Variants in CHRNA2 observed in about 807,000 individuals in gnomAD.
CHRNA2 encodes the protein neuronal acetylcholine receptor subunit alpha-2.
A neutral mutation model predicts 45.5 loss-of-function variants in CHRNA2; 40 were observed. The observed-to-expected ratio is 0.88, with a 90% confidence interval of 0.68 to 1.15. CHRNA2 has a LOEUF of 1.15. Ranked by LOEUF, CHRNA2 falls within the 50% of genes most tolerant of loss-of-function variation. The pLI is 0.00. For missense variants in CHRNA2, 655 were observed against 701.7 expected (o/e 0.93, Z 0.75); for synonymous variants, 301 against 296.7 (o/e 1.01, Z -0.15).
At position 27,471,287 on chromosome 8, in the gene CHRNA2, G is replaced by A. The variant is rs116683540; in HGVS notation, c.-136-93C>T. On this transcript the variant is annotated intron_variant, in intron 1 of 6. Coordinates refer to ENST00000407991, the MANE Select transcript of CHRNA2 (RefSeq NM_000742.4). The stretch of plus-strand genomic sequence containing the variant: ...TGCTCCACACAGGCATGAAATGAGA[G>A]CAAAAGGCCCTCAGCAGGCCTCTCA... The A allele has an allele frequency of 4.8e-3, 2,407 of 499,982 alleles. 49 individuals carry two copies. The highest frequency in any genetic ancestry group is 0.043 in the African/African-American group (2,211 of 51,362). 31.0% of individuals were successfully genotyped at this position (499,982 alleles called of 1,614,324 possible). A position where few individuals can be genotyped will look rare whatever the true frequency, so the allele number is the denominator to read the frequency against.
intron 1 of CHRNA2, among the ~76,000 whole-genome samples, chr8:27,474,680 G>A (rs1813006847): frequency 6.6e-6 from 1 of 152,246 alleles, no homozygotes; most frequent in Admixed American, 6.5e-5. Context: ...CAGCCCCACT[G>A]GAGCTGCTCT....
chr8:27,471,346 T>C (rs1233304134), intron 1 of CHRNA2, 152 bp from the exon 2 acceptor site: 13 of 393,154 alleles, frequency 3.3e-5, no homozygotes, highest in Admixed American at 2.6e-4. Flanking sequence ...CCCTGGCTTA[T>C]TGAGGAATCA....
rs760956524 is a variant in CHRNA2, at chr8:27,463,189, C to T, written c.1254G>A (p.Glu418=). ...VDAEEREVVV[E]EEDRWACAGH... ...CTGCACATGCCCATCTGTCCTCCTCCTCCACCACCACCTCCCTCTCCTCGG... is the reference window on the plus strand; with the variant it reads ...CTGCACATGCCCATCTGTCCTCCTCTTCCACCACCACCTCCCTCTCCTCGG... Residue 418 remains glutamate, a synonymous_variant, in exon 6 of 7, where the codon GAG becomes GAA. Transcript: ENST00000407991. This position sits in a 1 kb window ranked among gnomAD's most constrained non-coding sequence, Gnocchi z 6.1. The T allele has an allele frequency of 2.5e-6, 4 of 1,591,884 alleles. No homozygotes were observed. Among genetic ancestry groups the T allele is most frequent in the South Asian group, 1.1e-5 (1 of 88,038 alleles).
chr8:27,462,594 T>C (rs1812529820), intron 6 of CHRNA2, among the ~76,000 whole-genome samples: 1 of 152,228 alleles, frequency 6.6e-6, no homozygotes, highest in African/African-American at 2.4e-5. Flanking sequence ...AGGCTGACAC[T>C]GCAGCAGCTG....
chr8:27,476,497 A>T (rs1377368386), intron 1 of CHRNA2, among the ~76,000 whole-genome samples: 1 of 152,224 alleles, frequency 6.6e-6, no homozygotes, highest in Non-Finnish European at 1.5e-5. Flanking sequence ...ATCCGAGATT[A>T]AATCTCGTTA....
Position 27,462,911 on chromosome 8 carries a change from C to T in CHRNA2, c.1464+68G>A, listed in dbSNP as rs1479262991. On this transcript the variant is annotated intron_variant, in intron 6 of 6. Transcript: ENST00000407991. ...CTGGGCTGCCCAAGCTCACACTCTGCGGTAAGGTGGTTCCCCGCTAAGTTG... is the reference window on the plus strand; with the variant it reads ...CTGGGCTGCCCAAGCTCACACTCTGTGGTAAGGTGGTTCCCCGCTAAGTTG... 75 of 1,599,800 alleles carry T rather than the reference C, an allele frequency of 4.7e-5. 1 individual carries two copies. The highest frequency in any genetic ancestry group is 3.6e-4 in the Middle Eastern group (2 of 5,590).
At chr8:27,476,538 G>GT (rs998237418) in intron 1 of CHRNA2, among the ~76,000 whole-genome samples, 14 of 152,216 alleles carry the variant, frequency 9.2e-5, no homozygotes, top group African/African-American at 3.4e-4. Flanking sequence ...AGCAGGTGAA[G>GT]TTTTTTTCTC....
chr8:27,461,815 C>G, intron 6 of CHRNA2, 61 bp from the exon 7 acceptor site: 3 of 1,611,744 alleles, frequency 1.9e-6, no homozygotes, highest in South Asian at 2.2e-5. Flanking sequence ...GTGTTCCCCC[C>G]ATTCACAGCC....
Position 27,461,358 on chromosome 8 carries a change from C to T in CHRNA2, c.*271G>A, listed in dbSNP as rs1812478889. The stretch of plus-strand genomic sequence containing the variant: ...GCACTGCTCCTCCAGGAGAATCTTA[C>T]TCTGCCCCACTTGGTCACCACACTA... On this transcript the variant is annotated 3_prime_UTR_variant, in exon 7 of 7. Coordinates refer to ENST00000407991, the MANE Select transcript of CHRNA2 (RefSeq NM_000742.4). 2.0e-6 allele frequency: 1 copy of T among 495,446 alleles called. No individual in the cohort carries two copies. The highest frequency in any genetic ancestry group is 3.7e-6 in the Non-Finnish European group (1 of 271,474). The allele number at this position is 495,446 out of a possible 1,614,324, so 30.7% of individuals were successfully genotyped here.
intron 2 of CHRNA2, 93 bp from the exon 3 acceptor site, chr8:27,470,074 T>C (rs1812829652): frequency 1.7e-6 from 2 of 1,158,252 alleles, no homozygotes; most frequent in Non-Finnish European, 2.5e-6. Context: ...CTCAAAACAT[T>C]GTTGAAGATG....
intron 1 of CHRNA2, among the ~76,000 whole-genome samples, chr8:27,476,306 T>C (rs1270793164): frequency 6.6e-6 from 1 of 152,214 alleles, no homozygotes; most frequent in Non-Finnish European, 1.5e-5. Context: ...GGCATGACTT[T>C]ATTCATTTAG....
At chr8:27,471,453 C>G (rs541357559) in intron 1 of CHRNA2, among the ~76,000 whole-genome samples, 1 of 152,304 alleles carries the variant, frequency 6.6e-6, no homozygotes, top group East Asian at 1.9e-4. Flanking sequence ...ACTGAGGTCC[C>G]CATTGCTTTG....
At position 27,469,873 on chromosome 8, in the gene CHRNA2, C is replaced by T. The variant is rs568479156; in HGVS notation, c.182G>A (p.Arg61Gln). 2.9e-5 allele frequency: 47 copies of T among 1,614,148 alleles called. No homozygotes were observed. In the African/African-American group the frequency reaches 3.1e-4, roughly 11 times the overall value. ...GCCCCGGAAGAGGTGTTTGAAGAGC[C>T]GGTCCTCAGTCTCGGTATGCGAGCC... is the stretch of plus-strand genomic sequence containing the variant. ...QGGSHTETEDRLFKHLFRGYN... is the reference protein window; with the variant it reads ...QGGSHTETEDQLFKHLFRGYN... The change falls in exon 3 of 7, where the codon CGG (arginine) becomes CAG (glutamine). Residue 61 changes from arginine (R) to glutamine (Q), a missense_variant. Transcript: ENST00000407991.
chr8:27,478,568 T>A (rs73225400), intron 1 of CHRNA2, among the ~76,000 whole-genome samples: 2 of 152,222 alleles, frequency 1.3e-5, no homozygotes, highest in Non-Finnish European at 2.9e-5. Flanking sequence ...TAGGAGCAGA[T>A]ACAGTGTAAC....
chr8:27,474,715 T>C (rs1813007797), intron 1 of CHRNA2, among the ~76,000 whole-genome samples: 1 of 152,248 alleles, frequency 6.6e-6, no homozygotes, highest in South Asian at 2.1e-4. Context: ...CCCTGCAGCA[T>C]AACTGTCAAG....
intron 3 of CHRNA2, 59 bp downstream of exon 3, chr8:27,469,702 A>T (rs995570511): frequency 1.3e-6 from 2 of 1,593,824 alleles, no homozygotes; most frequent in Non-Finnish European, 8.6e-7. Context: ...GAGCAGGGGG[A>T]AAGCGGTGGG....
At chr8:27,469,295 C>T in intron 4 of CHRNA2, 40 bp downstream of exon 4, 1 of 1,543,722 alleles carries the variant, frequency 6.5e-7, no homozygotes, top group South Asian at 1.2e-5. Context: ...CCATGGATTC[C>T]CGGTACCCGC....
intron 5 of CHRNA2, among the ~76,000 whole-genome samples, chr8:27,465,775 A>G (rs1300610060): frequency 1.3e-5 from 2 of 152,166 alleles, no homozygotes; most frequent in Non-Finnish European, 2.9e-5. Context: ...AACAATGACC[A>G]CTAGATGGCA....
Position 27,476,889 on chromosome 8 carries a change from G to A in CHRNA2, c.-137+1935C>T, listed in dbSNP as rs1813076320. 2.0e-5 allele frequency among the ~76,000 whole-genome samples: 3 copies of A among 151,898 alleles called. No homozygotes were observed. In the South Asian group the frequency reaches 6.2e-4, roughly 31 times the overall value. On this transcript the variant is annotated intron_variant, in intron 1 of 6. Coordinates refer to ENST00000407991, the MANE Select transcript of CHRNA2 (RefSeq NM_000742.4). Reference sequence around the variant, plus strand: ...CTTCCTAAGAACACTGTGCATTTATGTTGTTTTCAGGTTTACAAGGTACTT... The same window carrying A: ...CTTCCTAAGAACACTGTGCATTTATATTGTTTTCAGGTTTACAAGGTACTT...
Sources: gnomAD v4.1 joint callset for allele counts (sites outside exome capture counted in the v4.1 genomes callset) on GRCh38, gnomAD v4.1.1 for gene constraint, Gnocchi (gnomAD v3.1) non-coding constraint, MANE v1.5 for transcripts, NCBI Gene and HGNC (gene_info 2026-07-23, HGNC 2026-07-21) for gene names.